LRTM3: variants seen among roughly 807,000 people sequenced by gnomAD.
LRTM3 encodes leucine-rich repeat transmembrane protein 3.
chr13:102,729,376 A>G, the LRTM3 span: 1 of 1,131,062 alleles, frequency 8.8e-7, no homozygotes, highest in African/African-American at 1.6e-5. Flanking sequence ...ATTGGATGTT[A>G]TATGATTGTA....
the LRTM3 span, chr13:102,743,257 C>T: frequency 2.6e-6 from 4 of 1,550,636 alleles, 1 homozygote; most frequent in Non-Finnish European, 3.5e-6. Flanking sequence ...CAGCTAGTGA[C>T]TCTATTTGTG....
chr13:102,735,798 C>G, the LRTM3 span: 1 of 1,541,932 alleles, frequency 6.5e-7, no homozygotes, highest in African/African-American at 1.4e-5. Flanking sequence ...TGTGTTTTTC[C>G]TAATGTGCCT....
chr13:102,753,759 T>C, the LRTM3 span, among the ~76,000 whole-genome samples: 48 of 152,294 alleles, frequency 3.2e-4, no homozygotes, highest in East Asian at 7.5e-3. Flanking sequence ...GGTAGTAAAG[T>C]CTATTCTTCA....
the LRTM3 span, chr13:102,744,351 T>C: frequency 6.5e-7 from 1 of 1,550,354 alleles, no homozygotes; most frequent in Non-Finnish European, 8.7e-7. Flanking sequence ...TTTTTTTGAT[T>C]CCATGCAGTT....
chr13:102,743,125 A>G, the LRTM3 span: 1 of 1,550,496 alleles, frequency 6.4e-7, no homozygotes, highest in Non-Finnish European at 8.7e-7. Flanking sequence ...CATAGAATGG[A>G]TCCATTTCTG....
the LRTM3 span, chr13:102,744,007 C>T: frequency 2.2e-4 from 347 of 1,550,160 alleles, no homozygotes; most frequent in African/African-American, 4.4e-4. Context: ...GAATGCACCT[C>T]GCTGCTGTAT....
At chr13:102,745,769 A>T in the LRTM3 span, 2 of 1,551,070 alleles carry the variant, frequency 1.3e-6, no homozygotes, top group East Asian at 4.9e-5. Context: ...GATTTCATCA[A>T]CCTTTGCTTC....
chr13:102,739,210 T>C, the LRTM3 span: 1 of 1,550,130 alleles, frequency 6.5e-7, no homozygotes. Context: ...TGCTCCGTTG[T>C]GGTTCTTTTC....
chr13:102,744,322 T>G, the LRTM3 span: 1 of 1,550,376 alleles, frequency 6.5e-7, no homozygotes, highest in Non-Finnish European at 8.7e-7. Flanking sequence ...AATCTAAAGG[T>G]TTTAAGACTG....
At chr13:102,756,696 C>CA in the LRTM3 span, among the ~76,000 whole-genome samples, 1 of 106,554 alleles carries the variant, frequency 9.4e-6, no homozygotes, top group Non-Finnish European at 1.8e-5. Context: ...AAAAAAAAAA[C>CA]AAAAAAACAA....
chr13:102,751,256 G>A, the LRTM3 span, among the ~76,000 whole-genome samples: 3 of 151,612 alleles, frequency 2.0e-5, no homozygotes, highest in Non-Finnish European at 2.9e-5. Flanking sequence ...ACAGCCTTTT[G>A]ACTTAAACTG....
At chr13:102,730,223 T>C in the LRTM3 span, 10 of 1,551,392 alleles carry the variant, frequency 6.4e-6, no homozygotes, top group Admixed American at 3.9e-5. Context: ...CGTGATTTTG[T>C]AGACATTTTC....
At chr13:102,746,197 C>T in the LRTM3 span, 7 of 1,550,808 alleles carry the variant, frequency 4.5e-6, no homozygotes, top group South Asian at 7.1e-5. Flanking sequence ...TTAAACAGTT[C>T]AGCACTGGGT....
the LRTM3 span, chr13:102,743,846 T>C: frequency 2.6e-6 from 4 of 1,550,480 alleles, no homozygotes; most frequent in African/African-American, 1.4e-5. Flanking sequence ...TTCTGATAAC[T>C]GTGCTGTGTT....
the LRTM3 span, chr13:102,735,368 G>A: frequency 2.6e-6 from 4 of 1,551,270 alleles, no homozygotes; most frequent in African/African-American, 4.1e-5. Context: ...TGCATCTGAT[G>A]ATTCCTTGGA....
At chr13:102,749,200 T>C in the LRTM3 span, 2 of 1,550,694 alleles carry the variant, frequency 1.3e-6, no homozygotes. Flanking sequence ...GTGAAGTTGG[T>C]GTTTTTTTGG....
the LRTM3 span, chr13:102,740,197 C>G: frequency 6.5e-7 from 1 of 1,548,670 alleles, no homozygotes; most frequent in Non-Finnish European, 8.7e-7. Flanking sequence ...AGACCTGTAC[C>G]CCATCTGATG....
At chr13:102,743,800 C>T in the LRTM3 span, 2 of 1,550,320 alleles carry the variant, frequency 1.3e-6, no homozygotes, top group Non-Finnish European at 1.7e-6. Flanking sequence ...TCTTTTCCTT[C>T]ATAGTTAAAC....
At chr13:102,733,932 C>T in the LRTM3 span, 75 of 1,551,010 alleles carry the variant, frequency 4.8e-5, no homozygotes, top group Middle Eastern at 3.3e-4. Flanking sequence ...TTTGAGGGTA[C>T]ATGGAGAGTT....
Sources: allele counts gnomAD v4.1 joint callset (sites outside exome capture counted in the v4.1 genomes callset), GRCh38; gene constraint gnomAD v4.1.1; transcripts MANE v1.5; gene names NCBI Gene and HGNC (gene_info 2026-07-23, HGNC 2026-07-21).